Variants in DTX1 observed in about 807,000 individuals in gnomAD.
DTX1 encodes E3 ubiquitin-protein ligase DTX1.
In DTX1, 26 loss-of-function variants were observed where a neutral mutation model predicts 57.8. That is an observed-to-expected ratio of 0.45 (90% CI 0.33 to 0.62). The LOEUF is 0.62. DTX1 is among the 20% of genes least tolerant of loss of function. The pLI is 0.02. For missense variants in DTX1, 704 were observed against 895.3 expected (o/e 0.79, Z 2.73); for synonymous variants, 398 against 394.1 (o/e 1.01, Z -0.12).
At chr12:113,068,294 G>C (rs1193261110) in intron 2 of DTX1, among the ~76,000 whole-genome samples, 1 of 152,232 alleles carries the variant, frequency 6.6e-6, no homozygotes, top group Admixed American at 6.5e-5. Context: ...CCTTGGAGGG[G>C]CTGCCAGGCC....
chr12:113,069,065 G>A (rs2044722869), intron 2 of DTX1, among the ~76,000 whole-genome samples: 1 of 152,208 alleles, frequency 6.6e-6, no homozygotes, highest in Non-Finnish European at 1.5e-5. Context: ...CAGTCATTTT[G>A]TGGCTGAAGA....
Position 113,095,552 on chromosome 12 carries a change from A to G in DTX1, c.1638+138A>G, listed in dbSNP as rs1592857811. ...CAAAAGCAGCACCCGAACAGTAACG[A>G]CCACAGCCACCTCCTTCACACATCT... On this transcript the variant is annotated intron_variant, in intron 9 of 9. Transcript: ENST00000548759. 3 of 1,010,472 alleles carry G rather than the reference A, an allele frequency of 3.0e-6. No individual in the cohort carries two copies. The East Asian group carries it at 7.8e-5, about 26-fold the overall frequency. The allele number at this position is 1,010,472 out of a possible 1,614,324, so 62.6% of individuals were successfully genotyped here. A position where few individuals can be genotyped will look rare whatever the true frequency, so the allele number is the denominator to read the frequency against.
intron 2 of DTX1, among the ~76,000 whole-genome samples, chr12:113,072,895 G>C (rs943855991): frequency 6.6e-6 from 1 of 151,596 alleles, no homozygotes; most frequent in Non-Finnish European, 1.5e-5. Context: ...AGTAGAGATC[G>C]GGGGTTTCAC....
At position 113,095,238 on chromosome 12, in the gene DTX1, C is replaced by A. The variant is rs1427667803; in HGVS notation, c.1548+35C>A. On this transcript the variant is annotated intron_variant, in intron 8 of 9. Transcript: ENST00000548759. Reference sequence around the variant, plus strand: ...CCTTCCGCCTCTCTGGCCCCCAGCCCCCACACCCCTCCAACTCCTCCAGAT... The same window carrying A: ...CCTTCCGCCTCTCTGGCCCCCAGCCACCACACCCCTCCAACTCCTCCAGAT... The A allele has an allele frequency of 1.9e-6, 3 of 1,606,062 alleles. No individual in the cohort carries two copies. The East Asian group carries it at 6.7e-5, about 36-fold the overall frequency.
Position 113,097,047 on chromosome 12 carries a change from G to A in DTX1, c.*108G>A, listed in dbSNP as rs1370718228. 18 of 1,261,272 alleles carry A rather than the reference G, an allele frequency of 1.4e-5. No individual in the cohort carries two copies. Among genetic ancestry groups the A allele is most frequent in the African/African-American group, 1.2e-4 (8 of 66,790 alleles). The allele number at this position is 1,261,272 out of a possible 1,614,324, so 78.1% of individuals were successfully genotyped here. A position where few individuals can be genotyped will look rare whatever the true frequency, so the allele number is the denominator to read the frequency against. On this transcript the variant is annotated 3_prime_UTR_variant, in exon 10 of 10. Coordinates refer to ENST00000548759, the MANE Select transcript of DTX1 (RefSeq NM_004416.3). ...GGTTCAGGGCTGGGGAGGAGCCTGC[G>A]GAAGGGGCCGCAGCCATTCAGGGGA...
In DTX1 at chr12:113,093,963, CT is replaced by C; in HGVS notation, c.1166-74del. On this transcript the variant is annotated intron_variant, in intron 5 of 9. Coordinates refer to ENST00000548759, the MANE Select transcript of DTX1 (RefSeq NM_004416.3). This position sits in a 1 kb window ranked among gnomAD's most constrained non-coding sequence, Gnocchi z 4.2. ...CAGCCTGACCCCTGCCCTCTGACCC[CT>C]GACCCAGTTCTGAGCCAAGCCTTCG... 3 of 1,547,200 alleles carry C rather than the reference CT, an allele frequency of 1.9e-6. No individual in the cohort carries two copies. Among genetic ancestry groups the C allele is most frequent in the East Asian group, 2.4e-5 (1 of 41,482 alleles).
Position 113,058,099 on chromosome 12 carries a change from C to A in DTX1, c.-94C>A, listed in dbSNP as rs2044641322. On this transcript the variant is annotated 5_prime_UTR_variant, in exon 2 of 10. Coordinates refer to ENST00000548759, the MANE Select transcript of DTX1 (RefSeq NM_004416.3). Reference sequence around the variant, plus strand: ...GGAGGCCAGACGGTCCTTGCTGTCCCCCTGGGGAGAGAGGAAGTTGCCGCC... The same window carrying A: ...GGAGGCCAGACGGTCCTTGCTGTCCACCTGGGGAGAGAGGAAGTTGCCGCC... 6.9e-7 allele frequency: 1 copy of A among 1,457,900 alleles called. No homozygotes were observed. Among genetic ancestry groups the A allele is most frequent in the Admixed American group, 2.6e-5 (1 of 37,954 alleles). 90.3% of individuals were successfully genotyped at this position (1,457,900 alleles called of 1,614,324 possible).
rs1304959105 is a variant in DTX1, at chr12:113,078,113, G to T, written c.941+8G>T. 3 of 1,354,282 alleles carry T rather than the reference G, an allele frequency of 2.2e-6. No homozygotes were observed. Among genetic ancestry groups the T allele is most frequent in the East Asian group, 3.1e-5 (1 of 32,140 alleles). 83.9% of individuals were successfully genotyped at this position (1,354,282 alleles called of 1,614,324 possible). On this transcript the variant is annotated splice_region_variant and intron_variant, in intron 3 of 9. Transcript: ENST00000548759. The stretch of plus-strand genomic sequence containing the variant: ...CGCCTCCATCCCGCCGGGGTAAGAC[G>T]GGGCCCAGGGGGAGGGGGCCTCTGC...
At chr12:113,091,350 C>T (rs1950245681) in intron 3 of DTX1, among the ~76,000 whole-genome samples, 1 of 147,520 alleles carries the variant, frequency 6.8e-6, no homozygotes, top group South Asian at 2.1e-4. Context: ...CTGTGTGTAT[C>T]CATGTATATG....
chr12:113,093,668 G>C lies in DTX1; in HGVS notation c.1133G>C (p.Cys378Ser), dbSNP rs746512358. Reference sequence around the variant, plus strand: ...CCCGTGCCTGGCGTGCCCGGGGTGTGCCGCAAGACCAAGAAGAAGCACCTT... The same window carrying C: ...CCCGTGCCTGGCGTGCCCGGGGTGTCCCGCAAGACCAAGAAGAAGCACCTT... The part of the protein sequence containing the change: ...VKPVPGVPGV[C>S]RKTKKKHLKK... The change falls in exon 5 of 10, where the codon TGC (cysteine) becomes TCC (serine). Residue 378 changes from cysteine to serine, a missense_variant. Cys to Ser is a moderately radical substitution (Grantham distance 112, BLOSUM62 -1). Around this residue, in one of 3 missense-constraint regions of DTX1, gnomAD observed 299 missense variants for 311.2 expected, o/e 0.96. Coordinates refer to ENST00000548759, the MANE Select transcript of DTX1 (RefSeq NM_004416.3). The surrounding 1 kb of genome is among the most constrained non-coding windows in gnomAD (Gnocchi z 4.2). 7.4e-6 allele frequency: 12 copies of C among 1,613,756 alleles called. 1 individual carries two copies. The highest frequency in any genetic ancestry group is 1.0e-5 in the Non-Finnish European group (12 of 1,179,932).
chr12:113,075,969 G>A (rs1055741874), intron 2 of DTX1, among the ~76,000 whole-genome samples: 3 of 151,694 alleles, frequency 2.0e-5, no homozygotes, highest in African/African-American at 7.3e-5. Context: ...GCGAGGGGGG[G>A]ACAGACAGAA....
At chr12:113,083,709 T>C (rs1428054164) in intron 3 of DTX1, among the ~76,000 whole-genome samples, 1 of 152,248 alleles carries the variant, frequency 6.6e-6, no homozygotes, top group Non-Finnish European at 1.5e-5. Flanking sequence ...TTTTTCAGTC[T>C]TTCCATATCT....
chr12:113,093,441 TC>T lies in DTX1; in HGVS notation c.1004-95del. Reference sequence around the variant, plus strand: ...TGGGTGGGGCCCAAGAGCGCAACCCTCCCACCCACCCGAGGGCCCCGGGATT... The same window carrying T: ...TGGGTGGGGCCCAAGAGCGCAACCCTCCACCCACCCGAGGGCCCCGGGATT... On this transcript the variant is annotated intron_variant, in intron 4 of 9. Coordinates refer to ENST00000548759, the MANE Select transcript of DTX1 (RefSeq NM_004416.3). This position sits in a 1 kb window ranked among gnomAD's most constrained non-coding sequence, Gnocchi z 4.2. 2.1e-6 allele frequency: 1 copy of T among 478,260 alleles called. No homozygotes were observed. The highest frequency in any genetic ancestry group is 3.4e-6 in the Non-Finnish European group (1 of 295,474). The allele number at this position is 478,260 out of a possible 1,614,324, so 29.6% of individuals were successfully genotyped here. A position where few individuals can be genotyped will look rare whatever the true frequency, so the allele number is the denominator to read the frequency against.
chr12:113,069,981 T>C (rs985968209), intron 2 of DTX1, among the ~76,000 whole-genome samples: 5 of 152,086 alleles, frequency 3.3e-5, no homozygotes, highest in African/African-American at 1.2e-4. Context: ...GTGCCTCAGT[T>C]TCCTCCCCCA....
chr12:113,057,864 G>A lies in DTX1; in HGVS notation c.-329G>A, dbSNP rs1195128399. ...ACGGAAGAGGCTGGACCTCGAACAGGGGCGGCTGCCTCACTCCCTACCTGA... is the reference window on the plus strand; with the variant it reads ...ACGGAAGAGGCTGGACCTCGAACAGAGGCGGCTGCCTCACTCCCTACCTGA... On this transcript the variant is annotated 5_prime_UTR_variant, in exon 2 of 10. Transcript: ENST00000548759. 1 of 325,628 alleles carries A rather than the reference G, an allele frequency of 3.1e-6. No individual in the cohort carries two copies. The highest frequency in any genetic ancestry group is 5.6e-6 in the Non-Finnish European group (1 of 177,030). 20.2% of individuals were successfully genotyped at this position (325,628 alleles called of 1,614,324 possible).
intron 3 of DTX1, among the ~76,000 whole-genome samples, chr12:113,086,021 A>C (rs1192045165): frequency 3.3e-5 from 5 of 152,130 alleles, no homozygotes; most frequent in Non-Finnish European, 2.9e-5. Context: ...TAATCCCAGC[A>C]CTTTGGGAGG....
chr12:113,097,950 A>G lies in DTX1; in HGVS notation c.*1011A>G, dbSNP rs80204171. The G allele has an allele frequency of 0.021, 3,224 of 152,796 alleles. 61 individuals carry two copies. The highest frequency in any genetic ancestry group is 0.05 in the Admixed American group (763 of 15,304). 9.5% of individuals were successfully genotyped at this position (152,796 alleles called of 1,614,324 possible). On this transcript the variant is annotated 3_prime_UTR_variant, in exon 10 of 10. Coordinates refer to ENST00000548759, the MANE Select transcript of DTX1 (RefSeq NM_004416.3). ...CACGGTGGGAGTCAGCCAAGATTTAAAGGGATGCCAGCGATTGCTCTTTTC... is the reference window on the plus strand; with the variant it reads ...CACGGTGGGAGTCAGCCAAGATTTAGAGGGATGCCAGCGATTGCTCTTTTC...
chr12:113,057,283 C>T (rs1204712884), intron 1 of DTX1, among the ~76,000 whole-genome samples, 166 bp from the exon 2 acceptor site: 1 of 152,160 alleles, frequency 6.6e-6, no homozygotes, highest in Non-Finnish European at 1.5e-5. Flanking sequence ...CCCTGCCTTC[C>T]CTCCAGGCCT....
chr12:113,060,126 T>C (rs1174471317), intron 2 of DTX1, among the ~76,000 whole-genome samples: 2 of 152,244 alleles, frequency 1.3e-5, no homozygotes, highest in East Asian at 1.9e-4. Context: ...AAATGGCTTA[T>C]TGATGGTACA....
Sources: allele counts gnomAD v4.1 joint callset (sites outside exome capture counted in the v4.1 genomes callset), GRCh38; gene constraint gnomAD v4.1.1; regional missense constraint gnomAD v4.1.1; non-coding constraint Gnocchi (gnomAD v3.1); transcripts MANE v1.5; gene names NCBI Gene and HGNC (gene_info 2026-07-23, HGNC 2026-07-21).